The following CHRM3 variants were observed in gnomAD, a reference collection of about 807,000 sequenced individuals.
The protein encoded by CHRM3 is muscarinic acetylcholine receptor M3.
Under a neutral mutation model 41.8 loss-of-function variants are expected in CHRM3, and 11 were observed. The observed-to-expected ratio is 0.26, with a 90% CI of 0.17 to 0.44. The LOEUF (loss-of-function observed/expected upper bound fraction) is 0.44. Ranked by LOEUF, CHRM3 falls within the 20% of genes least tolerant of loss-of-function variation. The pLI is 1.00. For missense variants in CHRM3, 571 were observed against 745.4 expected (o/e 0.77, Z 2.72); for synonymous variants, 297 against 301.4 (o/e 0.99, Z 0.15).
At chr1:239,776,270 T>C (rs1169585379) in intron 5 of CHRM3, among the ~76,000 whole-genome samples, 1 of 152,208 alleles carries the variant, frequency 6.6e-6, no homozygotes, top group Non-Finnish European at 1.5e-5. Context: ...CATCTGTATA[T>C]GGGGATAATA....
At chr1:239,488,091 G>A (rs1428778913) in intron 1 of CHRM3, among the ~76,000 whole-genome samples, 1 of 152,126 alleles carries the variant, frequency 6.6e-6, no homozygotes, top group Non-Finnish European at 1.5e-5. Context: ...AAGGGTGTTG[G>A]TAAATGGGTC....
intron 6 of CHRM3, among the ~76,000 whole-genome samples, chr1:239,853,731 A>G (rs993923111): frequency 2.0e-5 from 3 of 152,096 alleles, no homozygotes; most frequent in Non-Finnish European, 4.4e-5. Flanking sequence ...CCTCTCCTCT[A>G]TGCAAAAATT....
chr1:239,644,074 G>A (rs762195643), intron 4 of CHRM3, among the ~76,000 whole-genome samples: 59 of 152,170 alleles, frequency 3.9e-4, no homozygotes, highest in Non-Finnish European at 6.6e-4. Context: ...CAAATGTGAT[G>A]TTGAAACTTC....
At chr1:239,820,272 G>A (rs1671930940) in intron 5 of CHRM3, among the ~76,000 whole-genome samples, 1 of 152,150 alleles carries the variant, frequency 6.6e-6, no homozygotes, top group Non-Finnish European at 1.5e-5. Context: ...TTAGGGAAAG[G>A]GAGGTAGGAA....
intron 6 of CHRM3, among the ~76,000 whole-genome samples, chr1:239,880,698 G>T (rs919640511): frequency 6.6e-6 from 1 of 152,046 alleles, no homozygotes; most frequent in Non-Finnish European, 1.5e-5. Context: ...GTCTTGCTTT[G>T]TTGCTCAGGC....
intron 6 of CHRM3, among the ~76,000 whole-genome samples, chr1:239,836,839 A>C (rs1384186058): frequency 6.6e-6 from 1 of 152,014 alleles, no homozygotes; most frequent in African/African-American, 2.4e-5. Flanking sequence ...ACTGGGCTTG[A>C]TGGCACATGC....
chr1:239,723,889 T>C (rs2148360526), intron 5 of CHRM3, among the ~76,000 whole-genome samples: 1 of 152,000 alleles, frequency 6.6e-6, no homozygotes, highest in Middle Eastern at 3.4e-3. Context: ...GCAGTTCAAC[T>C]GAGTGCCAGA....
chr1:239,706,101 A>G (rs1272785037), intron 5 of CHRM3, among the ~76,000 whole-genome samples: 1 of 149,206 alleles, frequency 6.7e-6, no homozygotes, highest in Non-Finnish European at 1.5e-5. Context: ...TATTATAGTT[A>G]TATGTGAATT....
At chr1:239,867,453 C>T (rs867623172) in intron 6 of CHRM3, among the ~76,000 whole-genome samples, 12 of 152,098 alleles carry the variant, frequency 7.9e-5, no homozygotes, top group Admixed American at 3.3e-4. Context: ...TTTGGGAAGC[C>T]GCGGCGGGCA....
intron 5 of CHRM3, among the ~76,000 whole-genome samples, chr1:239,786,276 G>A (rs946877549): frequency 1.3e-5 from 2 of 151,886 alleles, no homozygotes; most frequent in Admixed American, 6.6e-5. Context: ...TTAATATTTT[G>A]TATCCACCAT....
chr1:239,795,053 G>A (rs747468390), intron 5 of CHRM3, among the ~76,000 whole-genome samples: 52 of 152,084 alleles, frequency 3.4e-4, no homozygotes, highest in Non-Finnish European at 6.9e-4. Context: ...TGATATTGTA[G>A]TATTGGTTAT....
chr1:239,890,215 C>A (rs934807705), intron 6 of CHRM3, among the ~76,000 whole-genome samples: 2 of 151,976 alleles, frequency 1.3e-5, no homozygotes, highest in African/African-American at 4.8e-5. Context: ...GCAGGAGAAT[C>A]GCTTGAACCT....
At chr1:239,423,085 G>C (rs193096806) in intron 1 of CHRM3, among the ~76,000 whole-genome samples, 1 of 152,082 alleles carries the variant, frequency 6.6e-6, no homozygotes, top group Non-Finnish European at 1.5e-5. Context: ...CACTGTCACA[G>C]GGCTGTAGCC....
At position 239,674,855 on chromosome 1, in the gene CHRM3, G is replaced by A. The variant is rs570754597; in HGVS notation, c.-249-3331G>A. ...TCAATGGTAAATTGGCAACAATGGT[G>A]TCTCCTTTACAAGACTGTTGAAACG... On this transcript the variant is annotated intron_variant, in intron 4 of 6. Coordinates refer to ENST00000676153, the MANE Select transcript of CHRM3 (RefSeq NM_001375978.1). 4.6e-5 allele frequency among the ~76,000 whole-genome samples: 7 copies of A among 152,196 alleles called. No homozygotes were observed. In the South Asian group the frequency reaches 8.3e-4, roughly 18 times the overall value.
chr1:239,653,228 G>A (rs1406363642), intron 4 of CHRM3, among the ~76,000 whole-genome samples: 1 of 152,130 alleles, frequency 6.6e-6, no homozygotes, highest in African/African-American at 2.4e-5. Flanking sequence ...GAGTAAGGGG[G>A]ATTCCTAGGA....
At chr1:239,403,976 G>GAGAGAGAGA (rs1660203316) in intron 1 of CHRM3, among the ~76,000 whole-genome samples, 1 of 46,488 alleles carries the variant, frequency 2.2e-5, no homozygotes, top group African/African-American at 8.1e-5. Context: ...AGAGGGAGGG[G>GAGAGAGAGA]GAGAGAGAGA....
intron 5 of CHRM3, among the ~76,000 whole-genome samples, chr1:239,817,295 A>G (rs1459637575): frequency 6.6e-6 from 1 of 152,168 alleles, no homozygotes; most frequent in African/African-American, 2.4e-5. Flanking sequence ...AACCATGAAG[A>G]TCTGTTTAAA....
intron 3 of CHRM3, among the ~76,000 whole-genome samples, chr1:239,571,588 C>G (rs1333718817): frequency 6.6e-6 from 1 of 152,160 alleles, no homozygotes; most frequent in Non-Finnish European, 1.5e-5. Flanking sequence ...ACCAGCTGTC[C>G]CTTTTTCTGG....
intron 1 of CHRM3, among the ~76,000 whole-genome samples, chr1:239,474,779 C>A (rs1666357662): frequency 6.6e-6 from 1 of 151,972 alleles, no homozygotes; most frequent in African/African-American, 2.4e-5. Flanking sequence ...ATACAAAGAA[C>A]CTATTTAAAA....
Sources: allele counts gnomAD v4.1 joint callset (sites outside exome capture counted in the v4.1 genomes callset), GRCh38; gene constraint gnomAD v4.1.1; transcripts MANE v1.5; gene names NCBI Gene and HGNC (gene_info 2026-07-23, HGNC 2026-07-21).